The following DGKG variants were observed in gnomAD, a reference collection of about 807,000 sequenced individuals.
DGKG encodes the protein diacylglycerol kinase gamma, also known as DAG kinase gamma.
A neutral mutation model predicts 105.3 loss-of-function variants in DGKG; 78 were observed. The ratio of observed to expected loss-of-function variants is 0.74; its 90% CI spans 0.62 to 0.89. DGKG has a LOEUF of 0.89. Ranked by LOEUF, DGKG falls within the 40% of genes least tolerant of loss-of-function variation. DGKG has a pLI of 0.00. For synonymous variants in DGKG, 346 were observed against 367.1 expected, an observed-to-expected ratio of 0.94 and a Z score of 0.66; for missense variants, 958 against 1,020.1, an observed-to-expected ratio of 0.94 and a Z score of 0.83.
intron 17 of DGKG, 171 bp downstream of exon 17, chr3:186,257,683 T>G (rs1357263968): frequency 5.0e-6 from 1 of 201,706 alleles, no homozygotes; most frequent in Non-Finnish European, 8.6e-6. Flanking sequence ...TCTTATTTCT[T>G]TTTTTTTTTT....
chr3:186,342,605 C>G (rs1726139728), intron 1 of DGKG, among the ~76,000 whole-genome samples: 1 of 151,704 alleles, frequency 6.6e-6, no homozygotes, highest in South Asian at 2.1e-4. Flanking sequence ...CTCTCGGTCC[C>G]TCATTCTGAC....
At chr3:186,153,008 C>G (rs190302022) in intron 24 of DGKG, among the ~76,000 whole-genome samples, 1 of 141,768 alleles carries the variant, frequency 7.1e-6, no homozygotes, top group East Asian at 2.1e-4. Context: ...ACCCTTGCTT[C>G]TCTTTTTTAT....
chr3:186,187,707 AG>A (rs963619025), intron 22 of DGKG, among the ~76,000 whole-genome samples: 2 of 152,204 alleles, frequency 1.3e-5, no homozygotes, highest in African/African-American at 4.8e-5. Flanking sequence ...AAGAGGGTCA[AG>A]GACCCTGCCT....
At chr3:186,307,846 T>C (rs568399498) in intron 2 of DGKG, among the ~76,000 whole-genome samples, 1 of 152,204 alleles carries the variant, frequency 6.6e-6, no homozygotes, top group South Asian at 2.1e-4. Flanking sequence ...GGCAAGATAG[T>C]TTCTTCTACT....
At chr3:186,317,141 A>T (rs1372298642) in intron 2 of DGKG, among the ~76,000 whole-genome samples, 1 of 152,238 alleles carries the variant, frequency 6.6e-6, no homozygotes, top group Non-Finnish European at 1.5e-5. Context: ...CCGCCTGCTC[A>T]GCGGCTTTGC....
intron 1 of DGKG, among the ~76,000 whole-genome samples, chr3:186,321,617 A>G (rs987320188): frequency 6.6e-6 from 1 of 152,230 alleles, no homozygotes; most frequent in South Asian, 2.1e-4. Context: ...ACAAAACAGG[A>G]TCCATCCTGA....
intron 10 of DGKG, among the ~76,000 whole-genome samples, chr3:186,273,981 T>C (rs1722456995): frequency 1.3e-5 from 2 of 152,184 alleles, no homozygotes; most frequent in South Asian, 2.1e-4. Context: ...CTGCTCCCTG[T>C]GTCCCCTTCT....
rs770232082 is a variant in DGKG at position 186,164,881 on chromosome 3, G to A, written c.2216+17C>T. On this transcript the variant is annotated intron_variant, in intron 23 of 24. Transcript: ENST00000265022. ...GGCGGGGAGATGCAGAGGCTGTTGG[G>A]TGACAAAGAGGCATACCTGATGGTG... The A allele has an allele frequency of 1.5e-4, 233 of 1,604,086 alleles. No individual in the cohort carries two copies. The highest frequency in any genetic ancestry group is 1.9e-4 in the Non-Finnish European group (219 of 1,175,378).
intron 1 of DGKG, among the ~76,000 whole-genome samples, chr3:186,350,627 T>C (rs555173861): frequency 5.6e-4 from 86 of 152,340 alleles, no homozygotes; most frequent in African/African-American, 2.0e-3. Flanking sequence ...TACTGGATCA[T>C]ACAGTGATTC....
At chr3:186,198,272 T>G (rs972784353) in intron 21 of DGKG, among the ~76,000 whole-genome samples, 33 of 152,194 alleles carry the variant, frequency 2.2e-4, no homozygotes, top group African/African-American at 8.0e-4. Flanking sequence ...GGGAGAGACA[T>G]GGAAGGTTAA....
At chr3:186,262,512 T>C (rs1340635490) in intron 14 of DGKG, among the ~76,000 whole-genome samples, 1 of 152,146 alleles carries the variant, frequency 6.6e-6, no homozygotes, top group Admixed American at 6.5e-5. Context: ...CCCCACACAG[T>C]TCCTTCCCAG....
At position 186,332,459 on chromosome 3, in the gene DGKG, G is replaced by A. The variant is rs529934450; in HGVS notation, c.-248-11752C>T. On this transcript the variant is annotated intron_variant, in intron 1 of 24. Transcript: ENST00000265022. ...AGTGCTGAGGGGCTGATGTAGGGAA[G>A]GGATTGTGAGTAGAGGTCTCCTTTA... is the stretch of plus-strand genomic sequence containing the variant. 3.9e-5 allele frequency among the ~76,000 whole-genome samples: 6 copies of A among 152,252 alleles called. No homozygotes were observed. In the South Asian group the frequency reaches 8.3e-4, roughly 21 times the overall value.
intron 20 of DGKG, among the ~76,000 whole-genome samples, chr3:186,225,065 C>A (rs968648100): frequency 6.6e-6 from 1 of 151,218 alleles, no homozygotes; most frequent in Non-Finnish European, 1.5e-5. Flanking sequence ...CTTTCTGAAT[C>A]ATTTCTTTCT....
rs774928407 is a variant in DGKG at position 186,272,323 on chromosome 3, C to T, written c.931G>A (p.Glu311Lys). The change falls in exon 11 of 25, where the codon GAA becomes AAA. Residue 311 changes from glutamate to lysine, a missense_variant. Coordinates refer to ENST00000265022, the MANE Select transcript of DGKG (RefSeq NM_001346.3). ...CCTYCKYTVH[E>K]RCVSRNIPGC... Reference sequence around the variant, plus strand: ...GGAATGTTTCTGGACACACAGCGTTCGTGGACAGTGTATTTACAGTCTGAA... The same window carrying T: ...GGAATGTTTCTGGACACACAGCGTTTGTGGACAGTGTATTTACAGTCTGAA... The T allele has an allele frequency of 5.1e-5, 82 of 1,613,378 alleles. No homozygotes were observed. Among genetic ancestry groups the T allele is most frequent in the East Asian group, 2.0e-4 (9 of 44,884 alleles).
At chr3:186,285,840 C>T (rs75456281) in intron 6 of DGKG, among the ~76,000 whole-genome samples, 1 of 152,108 alleles carries the variant, frequency 6.6e-6, no homozygotes, top group African/African-American at 2.4e-5. Flanking sequence ...CCACCACACC[C>T]GGCTAATTTT....
At position 186,194,803 on chromosome 3, in the gene DGKG, T is replaced by TAAAAAAAAAAAAAAA. The variant is rs57878064; in HGVS notation, c.1918-6439_1918-6425dup. 9.5e-4 allele frequency among the ~76,000 whole-genome samples: 100 copies of TAAAAAAAAAAAAAAA among 105,390 alleles called. 1 individual carries two copies. The highest frequency in any genetic ancestry group is 3.4e-3 in the African/African-American group (96 of 27,916). The allele number at this position is 105,390 out of a possible 152,430, so 69.1% of individuals were successfully genotyped here. A position where few individuals can be genotyped will look rare whatever the true frequency, so the allele number is the denominator to read the frequency against. On this transcript the variant is annotated intron_variant, in intron 21 of 24. Transcript: ENST00000265022. ...CCACGACTCTTTCTTGGTCTTTCTTTAAAAAAAAAAAAAAAAAAAGCCGGG... is the reference window on the plus strand; with the variant it reads ...CCACGACTCTTTCTTGGTCTTTCTTTAAAAAAAAAAAAAAAAAAAAAAAAAAAAAAAAAAGCCGGG...
At chr3:186,228,132 T>C (rs1218512780) in intron 20 of DGKG, among the ~76,000 whole-genome samples, 1 of 152,190 alleles carries the variant, frequency 6.6e-6, no homozygotes, top group Non-Finnish European at 1.5e-5. Flanking sequence ...GGATTCTTTT[T>C]TTCAATATGG....
intron 1 of DGKG, among the ~76,000 whole-genome samples, chr3:186,324,624 C>T (rs1725247945): frequency 6.6e-6 from 1 of 151,844 alleles, no homozygotes; most frequent in Non-Finnish European, 1.5e-5. Flanking sequence ...TGAAAAAATG[C>T]TCAACATTGC....
At chr3:186,250,686 A>T (rs2108561787) in intron 19 of DGKG, among the ~76,000 whole-genome samples, 1 of 151,092 alleles carries the variant, frequency 6.6e-6, no homozygotes, top group Middle Eastern at 3.4e-3. Flanking sequence ...AGTAGCTGGG[A>T]TTACAGGCAC....
Sources: allele counts gnomAD v4.1 joint callset (sites outside exome capture counted in the v4.1 genomes callset), GRCh38; gene constraint gnomAD v4.1.1; transcripts MANE v1.5; gene names NCBI Gene and HGNC (gene_info 2026-07-23, HGNC 2026-07-21).